TRMT10B: variants seen among roughly 807,000 people sequenced by gnomAD.
The protein encoded by TRMT10B is tRNA methyltransferase 10 homolog B.
In TRMT10B, 33 loss-of-function variants were observed where a neutral mutation model predicts 43.8. The ratio of observed to expected loss-of-function variants is 0.75; its 90% CI spans 0.57 to 1.01. The LOEUF (loss-of-function observed/expected upper bound fraction) is 1.01. Ranked by LOEUF, TRMT10B falls within the 50% of genes least tolerant of loss-of-function variation. The pLI is 0.00. For synonymous variants in TRMT10B, 137 were observed against 130.6 expected (o/e 1.05, Z -0.34); for missense variants, 362 against 369.8 (o/e 0.98, Z 0.17).
intron 7 of TRMT10B, among the ~76,000 whole-genome samples, chr9:37,771,956 A>G (rs571110859): frequency 5.2e-4 from 79 of 151,082 alleles, no homozygotes; most frequent in African/African-American, 1.8e-3. Context: ...TCCTCCCACC[A>G]CCTCAGCCTT....
chr9:37,769,618 GTTTTT>G (rs796085877), intron 5 of TRMT10B: 2 of 178,786 alleles, frequency 1.1e-5, no homozygotes, highest in Non-Finnish European at 1.1e-5. Flanking sequence ...TTTGAGCGGG[GTTTTT>G]TTTTTTTTTT....
At position 37,777,785 on chromosome 9, in the gene TRMT10B, C is replaced by A; in HGVS notation, c.*78C>A. On this transcript the variant is annotated 3_prime_UTR_variant, in exon 9 of 9. Coordinates refer to ENST00000297994, the MANE Select transcript of TRMT10B (RefSeq NM_144964.4). ...CTTTGGTAGACCGAAGTGGGCAGATCACCTGAGGTCAGGAGTTCACGACCA... is the reference window on the plus strand; with the variant it reads ...CTTTGGTAGACCGAAGTGGGCAGATAACCTGAGGTCAGGAGTTCACGACCA... 8.5e-7 allele frequency: 1 copy of A among 1,173,502 alleles called. No individual in the cohort carries two copies. Among genetic ancestry groups the A allele is most frequent in the Non-Finnish European group, 1.3e-6 (1 of 790,544 alleles). 72.7% of individuals were successfully genotyped at this position (1,173,502 alleles called of 1,614,324 possible). A position where few individuals can be genotyped will look rare whatever the true frequency, so the allele number is the denominator to read the frequency against.
chr9:37,753,847 G>A lies in TRMT10B; in HGVS notation c.-35G>A, dbSNP rs1487947212. 2 of 152,504 alleles carry A rather than the reference G, an allele frequency of 1.3e-5. No homozygotes were observed. The highest frequency in any genetic ancestry group is 1.9e-4 in the East Asian group (1 of 5,178). 9.4% of individuals were successfully genotyped at this position (152,504 alleles called of 1,614,324 possible). A position where few individuals can be genotyped will look rare whatever the true frequency, so the allele number is the denominator to read the frequency against. On this transcript the variant is annotated 5_prime_UTR_variant, in exon 1 of 9. Transcript: ENST00000297994. ...CGCTGCCGCTGCGTGGGGGTGAGGGGATCAGGTACGCTGTCCGCTGGTTAA... is the reference window on the plus strand; with the variant it reads ...CGCTGCCGCTGCGTGGGGGTGAGGGAATCAGGTACGCTGTCCGCTGGTTAA...
rs962480856 is a variant in TRMT10B, at chr9:37,763,962, A to G, written c.420+209A>G. 6 of 845,764 alleles carry G rather than the reference A, an allele frequency of 7.1e-6. No individual in the cohort carries two copies. The African/African-American group carries it at 8.6e-5, about 12-fold the overall frequency. 52.4% of individuals were successfully genotyped at this position (845,764 alleles called of 1,614,324 possible). ...TATATATAGTTTGGTTTAGTTTGCAAATTTTTACCTTGTCTTCTGTTTTAA... is the reference window on the plus strand; with the variant it reads ...TATATATAGTTTGGTTTAGTTTGCAGATTTTTACCTTGTCTTCTGTTTTAA... On this transcript the variant is annotated intron_variant, in intron 4 of 8. Transcript: ENST00000297994.
intron 1 of TRMT10B, among the ~76,000 whole-genome samples, chr9:37,756,751 CACAT>C (rs1161573763): frequency 4.6e-5 from 7 of 151,186 alleles, no homozygotes; most frequent in African/African-American, 1.5e-4. Context: ...TACACACACA[CACAT>C]ATATATATAC....
At chr9:37,766,784 G>A (rs1467043057) in intron 4 of TRMT10B, among the ~76,000 whole-genome samples, 1 of 152,126 alleles carries the variant, frequency 6.6e-6, no homozygotes, top group African/African-American at 2.4e-5. Context: ...TCCTTGAAGA[G>A]GTCCTTCACA....
chr9:37,776,517 T>TTA, intron 8 of TRMT10B, 112 bp downstream of exon 8: 1 of 1,306,154 alleles, frequency 7.7e-7, no homozygotes, highest in South Asian at 1.8e-5. Flanking sequence ...TGTGTGGACT[T>TTA]TATTGCATGT....
rs909793344 is a variant in TRMT10B, at chr9:37,771,876, G to T, written c.720+1137G>T. Among the ~76,000 whole-genome samples the T allele has an allele frequency of 2.0e-4, 30 of 149,108 alleles. 3 individuals are homozygous for T. The highest frequency in any genetic ancestry group is 5.9e-4 in the African/African-American group (24 of 40,802). ...AGGTGTAGTATTCTTGACAGAAAAT[G>T]TTTTTTTTTTTTCTTTTGAAGCAGG... On this transcript the variant is annotated intron_variant, in intron 7 of 8. Coordinates refer to ENST00000297994, the MANE Select transcript of TRMT10B (RefSeq NM_144964.4).
intron 5 of TRMT10B, 46 bp from the exon 6 acceptor site, chr9:37,769,895 A>G: frequency 6.6e-7 from 1 of 1,525,738 alleles, no homozygotes; most frequent in Non-Finnish European, 9.1e-7. Context: ...GAGCCACCCC[A>G]CCCAGCCGTG....
At chr9:37,758,460 C>T (rs558374587) in intron 1 of TRMT10B, among the ~76,000 whole-genome samples, 7 of 152,252 alleles carry the variant, frequency 4.6e-5, no homozygotes, top group South Asian at 2.1e-4. Context: ...GAAAATACCA[C>T]GGGGATAGAC....
chr9:37,760,873 C>T (rs1826254551), intron 1 of TRMT10B, among the ~76,000 whole-genome samples: 1 of 152,216 alleles, frequency 6.6e-6, no homozygotes, highest in Non-Finnish European at 1.5e-5. Flanking sequence ...TGTTCTGTGA[C>T]ATTTGACCAT....
chr9:37,756,873 C>A (rs952666385), intron 1 of TRMT10B, among the ~76,000 whole-genome samples: 1 of 151,760 alleles, frequency 6.6e-6, no homozygotes, highest in Non-Finnish European at 1.5e-5. Context: ...CATATACATA[C>A]ACACATATAT....
chr9:37,762,653 A>G lies in TRMT10B; in HGVS notation c.263A>G (p.Glu88Gly). 6.3e-7 allele frequency: 1 copy of G among 1,593,370 alleles called. No individual in the cohort carries two copies. Among genetic ancestry groups the G allele is most frequent in the South Asian group, 1.1e-5 (1 of 87,620 alleles). ...AKKSKRKQEKERRKANRAENP... is the reference protein window; with the variant it reads ...AKKSKRKQEKGRRKANRAENP... ...AAGAGCAAAAGAAAGCAAGAAAAAG[A>G]ACGAAGAAAAGCCAATCGTGCAGAA... Residue 88 changes from glutamate (E) to glycine (G), a missense_variant, in exon 3 of 9, where the codon GAA becomes GGA. Glu to Gly is a moderately conservative substitution (Grantham distance 98). Coordinates refer to ENST00000297994, the MANE Select transcript of TRMT10B (RefSeq NM_144964.4).
chr9:37,770,034 G>C lies in TRMT10B; in HGVS notation c.652+15G>C, dbSNP rs1461914813. ...CTCAGAACACGGTATGTAGTTGAATGCATGGATTCGTATAGCCCATTGTTC... is the reference window on the plus strand; with the variant it reads ...CTCAGAACACGGTATGTAGTTGAATCCATGGATTCGTATAGCCCATTGTTC... On this transcript the variant is annotated intron_variant, in intron 6 of 8. Transcript: ENST00000297994. 1 of 1,597,892 alleles carries C rather than the reference G, an allele frequency of 6.3e-7. No homozygotes were observed. The highest frequency in any genetic ancestry group is 8.6e-7 in the Non-Finnish European group (1 of 1,165,500).
At chr9:37,762,451 A>G (rs1165213685) in intron 2 of TRMT10B, 126 bp from the exon 3 acceptor site, 159 of 1,362,568 alleles carry the variant, frequency 1.2e-4, no homozygotes, top group Non-Finnish European at 1.5e-4. Flanking sequence ...TGTTTTTAAG[A>G]GTAATTTCCT....
At chr9:37,769,414 C>T (rs1394989766) in intron 5 of TRMT10B, 1 of 151,032 alleles carries the variant, frequency 6.6e-6, no homozygotes, top group Non-Finnish European at 1.5e-5. Context: ...ATCTGTAGTC[C>T]TGGAGCATGC....
chr9:37,754,813 G>A (rs950700316), intron 1 of TRMT10B, among the ~76,000 whole-genome samples: 7 of 152,236 alleles, frequency 4.6e-5, no homozygotes, highest in African/African-American at 9.6e-5. Flanking sequence ...GTTTAATGAA[G>A]AAATGAAAAA....
At chr9:37,759,962 T>G (rs1290000563) in intron 1 of TRMT10B, among the ~76,000 whole-genome samples, 1 of 152,138 alleles carries the variant, frequency 6.6e-6, no homozygotes, top group Non-Finnish European at 1.5e-5. Context: ...CCTTAAAATC[T>G]TTGCCAAAAA....
intron 1 of TRMT10B, among the ~76,000 whole-genome samples, chr9:37,755,268 C>CTTTT (rs61444533): frequency 0.01 from 1,276 of 124,394 alleles, 20 homozygotes; most frequent in Admixed American, 0.023. Context: ...AAGACTCCGT[C>CTTTT]TTTTTTTTTT....
Sources: allele counts gnomAD v4.1 joint callset (sites outside exome capture counted in the v4.1 genomes callset), GRCh38; gene constraint gnomAD v4.1.1; transcripts MANE v1.5; gene names NCBI Gene and HGNC (gene_info 2026-07-23, HGNC 2026-07-21).